The following ADCY5 variants were observed in gnomAD, a reference collection of about 807,000 sequenced individuals.
The protein encoded by ADCY5 is adenylate cyclase 5.
Under a neutral mutation model 119.7 loss-of-function variants are expected in ADCY5, and 30 were observed. That is an observed-to-expected ratio of 0.25 (90% CI 0.19 to 0.34). ADCY5 has a LOEUF of 0.34. Ranked by LOEUF, ADCY5 falls within the 10% of genes least tolerant of loss-of-function variation. The pLI, the probability that ADCY5 is intolerant of heterozygous loss-of-function variation, is 1.00. For missense variants in ADCY5, 1,324 were observed against 1,775.2 expected, an observed-to-expected ratio of 0.75 and a Z score of 4.57; for synonymous variants, 753 against 762.2, an observed-to-expected ratio of 0.99 and a Z score of 0.20.
intron 1 of ADCY5, among the ~76,000 whole-genome samples, chr3:123,373,036 G>T (rs991626186): frequency 6.6e-6 from 1 of 152,268 alleles, no homozygotes; most frequent in African/African-American, 2.4e-5. Context: ...CCCGGTTAAG[G>T]TTCTCATTCA....
At chr3:123,381,472 C>G (rs1450743291) in intron 1 of ADCY5, among the ~76,000 whole-genome samples, 1 of 152,236 alleles carries the variant, frequency 6.6e-6, no homozygotes, top group African/African-American at 2.4e-5. Flanking sequence ...ACGACATTGA[C>G]AGTGAGTATC....
intron 1 of ADCY5, among the ~76,000 whole-genome samples, chr3:123,381,779 C>A (rs1218676499): frequency 1.3e-5 from 2 of 152,238 alleles, no homozygotes; most frequent in Non-Finnish European, 2.9e-5. Context: ...ACATCTCAGA[C>A]CTTTCCTCAG....
At chr3:123,368,013 A>G in intron 1 of ADCY5, 29 of 1,491,822 alleles carry the variant, frequency 1.9e-5, no homozygotes, top group Non-Finnish European at 2.6e-5. Flanking sequence ...GACCATGGGC[A>G]CCTCAGCAGG....
At chr3:123,330,775 C>T in intron 5 of ADCY5, 114 bp downstream of exon 5, 2 of 1,388,450 alleles carry the variant, frequency 1.4e-6, no homozygotes, top group East Asian at 2.4e-5. Flanking sequence ...TTTTGGCAGA[C>T]AGTTTCACCC....
intron 1 of ADCY5, among the ~76,000 whole-genome samples, chr3:123,356,837 C>A (rs1414098353): frequency 6.6e-6 from 1 of 151,938 alleles, no homozygotes; most frequent in Non-Finnish European, 1.5e-5. Flanking sequence ...CCAGCAACCT[C>A]ACTCTTAGGT....
chr3:123,358,720 G>C (rs1490831893), intron 1 of ADCY5, among the ~76,000 whole-genome samples: 1 of 152,236 alleles, frequency 6.6e-6, no homozygotes, highest in African/African-American at 2.4e-5. Flanking sequence ...GGAATGTTTG[G>C]AATTCTATTC....
At chr3:123,430,156 T>C (rs940056158) in intron 1 of ADCY5, among the ~76,000 whole-genome samples, 5 of 152,218 alleles carry the variant, frequency 3.3e-5, no homozygotes, top group African/African-American at 1.2e-4. Context: ...GAGCATTCCA[T>C]ATCTTTCAGT....
At chr3:123,394,340 A>AT (rs902139092) in intron 1 of ADCY5, among the ~76,000 whole-genome samples, 8 of 152,130 alleles carry the variant, frequency 5.3e-5, no homozygotes, top group African/African-American at 1.9e-4. Flanking sequence ...TTTTGAACGA[A>AT]TTTTTTTTAA....
chr3:123,374,277 A>G (rs1481332209), intron 1 of ADCY5, among the ~76,000 whole-genome samples: 1 of 152,190 alleles, frequency 6.6e-6, no homozygotes, highest in Non-Finnish European at 1.5e-5. Flanking sequence ...TCAGAGAGCG[A>G]CAGATGATGA....
At chr3:123,429,467 T>A (rs1054867062) in intron 1 of ADCY5, among the ~76,000 whole-genome samples, 2 of 151,542 alleles carry the variant, frequency 1.3e-5, no homozygotes, top group East Asian at 1.9e-4. Context: ...AAAGTCTGCC[T>A]CTCCTCAGAG....
At chr3:123,359,952 GATATA>G (rs1438865782) in intron 1 of ADCY5, among the ~76,000 whole-genome samples, 2 of 152,014 alleles carry the variant, frequency 1.3e-5, no homozygotes, top group African/African-American at 4.8e-5. Context: ...ACCCCATTAA[GATATA>G]ATATAAAATA....
At chr3:123,285,069 G>A (rs1938646058) in intron 20 of ADCY5, among the ~76,000 whole-genome samples, 1 of 152,202 alleles carries the variant, frequency 6.6e-6, no homozygotes, top group Admixed American at 6.5e-5. Flanking sequence ...GACAGTAAGT[G>A]CCGGGGAGCT....
At chr3:123,298,450 G>A (rs115513118) in intron 15 of ADCY5, among the ~76,000 whole-genome samples, 386 of 152,284 alleles carry the variant, frequency 2.5e-3, no homozygotes, top group Non-Finnish European at 4.5e-3. Context: ...TGAACCAAGA[G>A]TAGAAAAGTT....
chr3:123,361,124 C>T (rs1331128546), intron 1 of ADCY5, among the ~76,000 whole-genome samples: 1 of 152,168 alleles, frequency 6.6e-6, no homozygotes, highest in East Asian at 1.9e-4. Flanking sequence ...ACCCTTGTCC[C>T]AGGCGCCCTA....
At position 123,286,748 on chromosome 3, in the gene ADCY5, G is replaced by C; in HGVS notation, c.3594C>G (p.Ile1198Met). ...VIGARKPQYD[I>M]WGNTVNVASR... ...TGGCCACGTTCACGGTATTGCCCCA[G>C]ATGTCGTACTGAGGCTTTCGTGCCC... Residue 1198 changes from isoleucine (I) to methionine (M), a missense_variant, in exon 20 of 21, where the codon ATC (isoleucine) becomes ATG (methionine). Ile to Met is a conservative substitution (Grantham distance 10). Transcript: ENST00000462833. This position sits in a 1 kb window ranked among gnomAD's most constrained non-coding sequence, Gnocchi z 4.2. 1 of 1,613,732 alleles carries C rather than the reference G, an allele frequency of 6.2e-7. No individual in the cohort carries two copies. Among genetic ancestry groups the C allele is most frequent in the Non-Finnish European group, 8.5e-7 (1 of 1,179,830 alleles).
At chr3:123,411,299 A>G (rs1380278996) in intron 1 of ADCY5, among the ~76,000 whole-genome samples, 1 of 152,168 alleles carries the variant, frequency 6.6e-6, no homozygotes, top group Non-Finnish European at 1.5e-5. Context: ...AGAGCAAAAC[A>G]AGTGTCTGGC....
At chr3:123,374,259 T>C (rs546304951) in intron 1 of ADCY5, among the ~76,000 whole-genome samples, 1 of 152,210 alleles carries the variant, frequency 6.6e-6, no homozygotes, top group East Asian at 1.9e-4. Flanking sequence ...GAGGCCACCA[T>C]AGCAGGATCA....
Position 123,303,243 on chromosome 3 carries a change from G to A in ADCY5, c.2560-24C>T, listed in dbSNP as rs56401523. 3,432 of 1,608,026 alleles carry A rather than the reference G, an allele frequency of 2.1e-3. 12 individuals carry two copies. The highest frequency in any genetic ancestry group is 2.0e-3 in the Non-Finnish European group (2,328 of 1,176,108). On this transcript the variant is annotated intron_variant, in intron 13 of 20. Coordinates refer to ENST00000462833, the MANE Select transcript of ADCY5 (RefSeq NM_183357.3). ...AACTGGGGGGAGGAAGGAGGGTGAT[G>A]AGGGGAGGGTAAGCTGCTGGGGGAC...
chr3:123,391,198 A>G (rs1318059331), intron 1 of ADCY5, among the ~76,000 whole-genome samples: 1 of 152,140 alleles, frequency 6.6e-6, no homozygotes, highest in African/African-American at 2.4e-5. Flanking sequence ...GACGGAAGGG[A>G]AAGGAAGCAA....
Sources: allele counts gnomAD v4.1 joint callset (sites outside exome capture counted in the v4.1 genomes callset), GRCh38; gene constraint gnomAD v4.1.1; non-coding constraint Gnocchi (gnomAD v3.1); transcripts MANE v1.5; gene names NCBI Gene and HGNC (gene_info 2026-07-23, HGNC 2026-07-21).